ENAH: variants seen among roughly 807,000 people sequenced by gnomAD.
ENAH encodes protein enabled homolog.
In ENAH, 23 loss-of-function variants were observed where a neutral mutation model predicts 78.7. The ratio of observed to expected loss-of-function variants is 0.29; its 90% CI spans 0.21 to 0.41. ENAH has a LOEUF of 0.41. ENAH is among the 10% of genes least tolerant of loss of function. The pLI is 1.00. For synonymous variants in ENAH, 226 were observed against 241.0 expected, an observed-to-expected ratio of 0.94 and a Z score of 0.58; for missense variants, 544 against 691.0, an observed-to-expected ratio of 0.79 and a Z score of 2.39.
intron 3 of ENAH, among the ~76,000 whole-genome samples, chr1:225,535,763 G>A (rs557448995): frequency 2.6e-5 from 4 of 152,090 alleles, no homozygotes; most frequent in Admixed American, 6.6e-5. Flanking sequence ...TTATGCAATC[G>A]TTTTTTGGTG....
In ENAH at chr1:225,514,909, G is replaced by C. The variant is rs769639675; in HGVS notation, c.914-9C>G. 1.2e-6 allele frequency: 2 copies of C among 1,607,890 alleles called. No individual in the cohort carries two copies. The highest frequency in any genetic ancestry group is 8.5e-7 in the Non-Finnish European group (1 of 1,177,304). Reference sequence around the variant, plus strand: ...TGGTCCCAAGACAATGCCTGAGAGAGAGAAATGTTAAGTAAGACCATCAAC... The same window carrying C: ...TGGTCCCAAGACAATGCCTGAGAGACAGAAATGTTAAGTAAGACCATCAAC... On this transcript the variant is annotated splice_polypyrimidine_tract_variant and intron_variant, in intron 6 of 13. Transcript: ENST00000366843.
At chr1:225,556,832 C>CA (rs2096669411) in intron 2 of ENAH, among the ~76,000 whole-genome samples, 1 of 152,144 alleles carries the variant, frequency 6.6e-6, no homozygotes, top group Non-Finnish European at 1.5e-5. Flanking sequence ...TTTCTATCCC[C>CA]AATCCAACTG....
intron 1 of ENAH, among the ~76,000 whole-genome samples, chr1:225,580,503 C>A (rs1014836462): frequency 1.3e-5 from 2 of 152,118 alleles, no homozygotes; most frequent in Non-Finnish European, 2.9e-5. Flanking sequence ...GAATCCTGAC[C>A]CTCAGAAACT....
intron 5 of ENAH, 128 bp downstream of exon 5, chr1:225,519,070 T>C (rs2096444645): frequency 7.3e-7 from 1 of 1,365,468 alleles, no homozygotes. Flanking sequence ...TGCATATTTA[T>C]TCATAATTTC....
chr1:225,532,231 C>G (rs2096541572), intron 3 of ENAH, among the ~76,000 whole-genome samples: 1 of 151,940 alleles, frequency 6.6e-6, no homozygotes, highest in East Asian at 1.9e-4. Context: ...TCTGGGGACA[C>G]ACAAGTGTGG....
chr1:225,549,978 TTTA>T (rs2096633766), intron 3 of ENAH, among the ~76,000 whole-genome samples: 6 of 152,190 alleles, frequency 3.9e-5, no homozygotes, highest in Non-Finnish European at 7.3e-5. Context: ...CAATCCTTTA[TTTA>T]GCATCCTTCA....
chr1:225,524,981 A>G (rs2096493660), intron 4 of ENAH, among the ~76,000 whole-genome samples: 1 of 152,196 alleles, frequency 6.6e-6, no homozygotes, highest in South Asian at 2.1e-4. Flanking sequence ...AAAATAAAAA[A>G]TTAAACATAA....
rs192377306 is a variant in ENAH at position 225,489,046 on chromosome 1, T to G, written c.*8729A>C. The G allele has an allele frequency of 6.6e-6, 1 of 152,196 alleles. No homozygotes were observed. Among genetic ancestry groups the G allele is most frequent in the Non-Finnish European group, 1.5e-5 (1 of 68,034 alleles). 9.4% of individuals were successfully genotyped at this position (152,196 alleles called of 1,614,324 possible). A position where few individuals can be genotyped will look rare whatever the true frequency, so the allele number is the denominator to read the frequency against. On this transcript the variant is annotated 3_prime_UTR_variant, in exon 14 of 14. Coordinates refer to ENST00000366843, the MANE Select transcript of ENAH (RefSeq NM_018212.6). ...CCTTTCAAGGCTGACAGTGATAGAA[T>G]AAACAGCAGCACAGCAGGTTCAGAT...
chr1:225,618,167 T>C (rs1295505076), intron 1 of ENAH, among the ~76,000 whole-genome samples: 6 of 152,298 alleles, frequency 3.9e-5, no homozygotes, highest in East Asian at 1.9e-4. Flanking sequence ...TCAACAGCTG[T>C]TGCCCTTGCC....
At position 225,490,246 on chromosome 1, in the gene ENAH, A is replaced by G. The variant is rs944027743; in HGVS notation, c.*7529T>C. 1 of 152,204 alleles carries G rather than the reference A, an allele frequency of 6.6e-6. No individual in the cohort carries two copies. Among genetic ancestry groups the G allele is most frequent in the Non-Finnish European group, 1.5e-5 (1 of 68,044 alleles). 9.4% of individuals were successfully genotyped at this position (152,204 alleles called of 1,614,324 possible). On this transcript the variant is annotated 3_prime_UTR_variant, in exon 14 of 14. Coordinates refer to ENST00000366843, the MANE Select transcript of ENAH (RefSeq NM_018212.6). ...ACAAGGTGGCAAAGACATGGACTCA[A>G]TAACAATTTTTACCATGTTTTCTTT...
chr1:225,498,260 C>T (rs907602730), intron 13 of ENAH, 87 bp downstream of exon 13: 3 of 1,080,894 alleles, frequency 2.8e-6, no homozygotes, highest in African/African-American at 3.2e-5. Context: ...AACTAATCAG[C>T]TGGGTATTTC....
At chr1:225,518,342 CAGA>C (rs200141274) in intron 5 of ENAH, among the ~76,000 whole-genome samples, 1,999 of 152,118 alleles carry the variant, frequency 0.013, 48 homozygotes, top group African/African-American at 0.045. Context: ...GGACCATAAA[CAGA>C]AGAATAAATT....
intron 1 of ENAH, among the ~76,000 whole-genome samples, chr1:225,625,361 G>A (rs1219129422): frequency 1.3e-5 from 2 of 152,124 alleles, no homozygotes; most frequent in Admixed American, 1.3e-4. Context: ...CAAGAAATGA[G>A]ATGTTGTCTT....
rs1326864452 is a variant in ENAH at position 225,496,442 on chromosome 1, CATT to C, written c.*1330_*1332del. 1 of 152,264 alleles carries C rather than the reference CATT, an allele frequency of 6.6e-6. No individual in the cohort carries two copies. The allele number at this position is 152,264 out of a possible 1,614,324, so 9.4% of individuals were successfully genotyped here. A position where few individuals can be genotyped will look rare whatever the true frequency, so the allele number is the denominator to read the frequency against. ...TTTCTGTGACCTTAATTGCTGCCAT[CATT>C]GTTATTTCTTGCATTTCAACATAAC... On this transcript the variant is annotated 3_prime_UTR_variant, in exon 14 of 14. Transcript: ENST00000366843.
chr1:225,600,730 C>T (rs775072137), intron 1 of ENAH, among the ~76,000 whole-genome samples: 34 of 152,008 alleles, frequency 2.2e-4, no homozygotes, highest in Non-Finnish European at 2.6e-4. Context: ...ATGTGGTGTG[C>T]GCCCGGAGTC....
intron 1 of ENAH, among the ~76,000 whole-genome samples, chr1:225,579,624 A>G (rs1304458485): frequency 6.6e-6 from 1 of 152,228 alleles, no homozygotes; most frequent in Non-Finnish European, 1.5e-5. Flanking sequence ...AGAAACATGA[A>G]GAATAGAATA....
At chr1:225,524,347 G>A (rs1047756000) in intron 4 of ENAH, among the ~76,000 whole-genome samples, 6 of 152,096 alleles carry the variant, frequency 3.9e-5, no homozygotes, top group Non-Finnish European at 8.8e-5. Context: ...GTGTTACTAG[G>A]TAAATAAGAA....
intron 1 of ENAH, among the ~76,000 whole-genome samples, chr1:225,573,043 G>A (rs947203828): frequency 3.9e-5 from 6 of 152,198 alleles, no homozygotes; most frequent in African/African-American, 1.4e-4. Context: ...AGGTATATGT[G>A]ATGAGAACGC....
chr1:225,590,589 TTC>T (rs1486291042), intron 1 of ENAH, among the ~76,000 whole-genome samples: 1 of 152,160 alleles, frequency 6.6e-6, no homozygotes, highest in Non-Finnish European at 1.5e-5. Context: ...CAACCTATTT[TTC>T]TCCCCCCCAT....
Sources: allele counts gnomAD v4.1 joint callset (sites outside exome capture counted in the v4.1 genomes callset), GRCh38; gene constraint gnomAD v4.1.1; transcripts MANE v1.5; gene names NCBI Gene and HGNC (gene_info 2026-07-23, HGNC 2026-07-21).